The following PIGU variants were observed in gnomAD, a reference collection of about 807,000 sequenced individuals.
PIGU encodes the protein GPI-anchor transamidase component PIGU.
Under a neutral mutation model 49.9 loss-of-function variants are expected in PIGU, and 24 were observed. That is an observed-to-expected ratio of 0.48 (90% CI 0.35 to 0.68). The LOEUF (loss-of-function observed/expected upper bound fraction) is 0.68. Among genes scored for constraint, PIGU ranks in the 30% least tolerant of loss-of-function variants. PIGU has a pLI of 0.01. For synonymous variants in PIGU, 220 were observed against 205.7 expected (o/e 1.07, Z -0.59); for missense variants, 490 against 532.6 (o/e 0.92, Z 0.79).
intron 10 of PIGU, among the ~76,000 whole-genome samples, chr20:34,575,979 G>C (rs544792607): frequency 2.6e-5 from 4 of 152,320 alleles, no homozygotes; most frequent in Admixed American, 2.6e-4. Context: ...GCCGGGTACA[G>C]ACCTTGGTTA....
chr20:34,650,700 C>CTCTTTTTTTTTTTTTTTTTTTTTTTT (rs1986509194), intron 2 of PIGU, among the ~76,000 whole-genome samples: 5 of 38,780 alleles, frequency 1.3e-4, no homozygotes, highest in Admixed American at 3.8e-4. Context: ...CTTTTTTTCT[C>CTCTTTTTTTTTTTTTTTTTTTTTTTT]TTTTTTTTTT....
At chr20:34,646,382 T>C (rs1275091825) in intron 2 of PIGU, among the ~76,000 whole-genome samples, 2 of 152,222 alleles carry the variant, frequency 1.3e-5, no homozygotes, top group Admixed American at 1.3e-4. Context: ...CCTATGAGTA[T>C]GGCTTTAGCT....
chr20:34,663,224 T>C (rs1471349206), intron 1 of PIGU, among the ~76,000 whole-genome samples: 1 of 152,160 alleles, frequency 6.6e-6, no homozygotes, highest in East Asian at 1.9e-4. Flanking sequence ...TTTTGAATCA[T>C]GTGACTGAGT....
At position 34,582,536 on chromosome 20, in the gene PIGU, C is replaced by T. The variant is rs367890408; in HGVS notation, c.927-864G>A. Among the ~76,000 whole-genome samples the T allele has an allele frequency of 1.1e-4, 17 of 152,046 alleles. 1 individual carries two copies. The highest frequency in any genetic ancestry group is 6.2e-4 in the South Asian group (3 of 4,814). ...CTCTACAAAAAATTTAAAAATTAGC[C>T]GGGTGTGGTGGCATATGGCTGTAAT... On this transcript the variant is annotated intron_variant, in intron 9 of 11. Coordinates refer to ENST00000217446, the MANE Select transcript of PIGU (RefSeq NM_080476.5).
At chr20:34,670,778 A>G (rs1303299454) in intron 1 of PIGU, among the ~76,000 whole-genome samples, 2 of 151,498 alleles carry the variant, frequency 1.3e-5, no homozygotes, top group Non-Finnish European at 2.9e-5. Flanking sequence ...TCCTAAGCTC[A>G]AGTGATCTGC....
chr20:34,640,970 T>C (rs1414256874), intron 4 of PIGU, among the ~76,000 whole-genome samples: 1 of 152,196 alleles, frequency 6.6e-6, no homozygotes, highest in Non-Finnish European at 1.5e-5. Flanking sequence ...CTCAGCTCAA[T>C]GCAACCTCCG....
chr20:34,590,018 C>A (rs1265887853), intron 7 of PIGU, among the ~76,000 whole-genome samples: 1 of 150,990 alleles, frequency 6.6e-6, no homozygotes, highest in African/African-American at 2.4e-5. Flanking sequence ...ATCTTAATAT[C>A]TGTTTAGTTT....
At position 34,565,288 on chromosome 20, in the gene PIGU, C is replaced by T. The variant is rs376401204; in HGVS notation, c.1195-4309G>A. On this transcript the variant is annotated intron_variant, in intron 11 of 11. Transcript: ENST00000217446. ...CTAGTTTTTTTTTGAGACGAAGTCTCGCTCTGTCACCCAGGCTGGAGTGCA... is the reference window on the plus strand; with the variant it reads ...CTAGTTTTTTTTTGAGACGAAGTCTTGCTCTGTCACCCAGGCTGGAGTGCA... Among the ~76,000 whole-genome samples, 9 of 151,210 alleles carry T rather than the reference C, an allele frequency of 6.0e-5. No individual in the cohort carries two copies. The South Asian group carries it at 1.7e-3, about 28-fold the overall frequency.
intron 7 of PIGU, among the ~76,000 whole-genome samples, chr20:34,601,227 T>C (rs942311101): frequency 1.3e-5 from 2 of 152,130 alleles, no homozygotes; most frequent in Non-Finnish European, 2.9e-5. Flanking sequence ...TTGGCAAACT[T>C]GTGGTTACAA....
chr20:34,621,571 C>T (rs369365740), intron 6 of PIGU, among the ~76,000 whole-genome samples: 1 of 151,870 alleles, frequency 6.6e-6, no homozygotes, highest in South Asian at 2.1e-4. Flanking sequence ...GACGCACAGC[C>T]GGAGCAAAAG....
intron 1 of PIGU, among the ~76,000 whole-genome samples, chr20:34,672,010 GCACCCTC>G (rs1987323226): frequency 6.6e-6 from 1 of 152,066 alleles, no homozygotes; most frequent in Non-Finnish European, 1.5e-5. Flanking sequence ...TCGGCTCACT[GCACCCTC>G]CACCTCTGCC....
At chr20:34,664,480 C>A (rs1987025576) in intron 1 of PIGU, among the ~76,000 whole-genome samples, 1 of 151,948 alleles carries the variant, frequency 6.6e-6, no homozygotes. Flanking sequence ...GGGTGGATCA[C>A]CTGAGGTCAA....
rs8125161 is a variant in PIGU at position 34,656,382 on chromosome 20, G to A, written c.195+798C>T. Among the ~76,000 whole-genome samples, 20 of 109,002 alleles carry A rather than the reference G, an allele frequency of 1.8e-4. 3 individuals are homozygous for A. Among genetic ancestry groups the A allele is most frequent in the African/African-American group, 5.9e-4 (17 of 28,788 alleles). 71.5% of individuals were successfully genotyped at this position (109,002 alleles called of 152,430 possible). ...ACTGCAAGCTCCACCTCCCGGGTTC[G>A]CGCCATTCTCCTGCCTCAGCCTCCC... On this transcript the variant is annotated intron_variant, in intron 2 of 11. Coordinates refer to ENST00000217446, the MANE Select transcript of PIGU (RefSeq NM_080476.5).
At chr20:34,629,760 C>T (rs981672051) in intron 6 of PIGU, among the ~76,000 whole-genome samples, 1 of 152,138 alleles carries the variant, frequency 6.6e-6, no homozygotes, top group African/African-American at 2.4e-5. Context: ...AACCCAAATG[C>T]TTACAGAGGA....
intron 7 of PIGU, among the ~76,000 whole-genome samples, chr20:34,614,033 C>T (rs1261295098): frequency 6.6e-6 from 1 of 152,182 alleles, no homozygotes; most frequent in East Asian, 1.9e-4. Context: ...CAGTGGCTCA[C>T]ACCTGTAATC....
chr20:34,629,797 T>A (rs1371107795), intron 6 of PIGU, among the ~76,000 whole-genome samples: 5 of 152,186 alleles, frequency 3.3e-5, no homozygotes, highest in Non-Finnish European at 7.3e-5. Flanking sequence ...AATAGATTGA[T>A]CACATGTGTT....
chr20:34,650,157 T>A (rs142981534), intron 2 of PIGU, among the ~76,000 whole-genome samples: 40 of 152,292 alleles, frequency 2.6e-4, no homozygotes, highest in African/African-American at 9.1e-4. Context: ...CTTACATTTT[T>A]AATTTATTAT....
intron 1 of PIGU, among the ~76,000 whole-genome samples, chr20:34,660,536 G>A (rs1986898948): frequency 6.6e-6 from 1 of 152,202 alleles, no homozygotes; most frequent in East Asian, 1.9e-4. Context: ...AATGAGCCAA[G>A]ATTGTGCCAC....
intron 1 of PIGU, among the ~76,000 whole-genome samples, chr20:34,665,234 C>T (rs539640527): frequency 1.3e-4 from 14 of 108,834 alleles, no homozygotes; most frequent in East Asian, 3.1e-4. Flanking sequence ...GACTGAGTCT[C>T]GCTCTGTCGC....
Sources: gnomAD v4.1 joint callset for allele counts (sites outside exome capture counted in the v4.1 genomes callset) on GRCh38, gnomAD v4.1.1 for gene constraint, MANE v1.5 for transcripts, NCBI Gene and HGNC (gene_info 2026-07-23, HGNC 2026-07-21) for gene names.